ATOSB: variants seen among roughly 807,000 people sequenced by gnomAD.
ATOSB encodes atos homolog protein B.
At chr9:35,108,772 C>T in the ATOSB span, 1 of 841,476 alleles carries the variant, frequency 1.2e-6, no homozygotes. Context: ...GCCAGGATCA[C>T]TGGAGCCAGC....
the ATOSB span, chr9:35,104,563 C>T: frequency 2.8e-6 from 1 of 355,780 alleles, no homozygotes; most frequent in Non-Finnish European, 6.0e-6. Flanking sequence ...CACACACATA[C>T]CACACAAAGA....
At chr9:35,107,441 A>G in the ATOSB span, 1 of 1,613,892 alleles carries the variant, frequency 6.2e-7, no homozygotes, top group Non-Finnish European at 8.5e-7. Context: ...CTTTGGCATC[A>G]GAACTGTTGG....
chr9:35,104,354 C>T, the ATOSB span: 1 of 156,816 alleles, frequency 6.4e-6, no homozygotes, highest in South Asian at 1.5e-4. Context: ...CCCCTCACCC[C>T]AGCTGAGGTA....
At chr9:35,108,291 CAG>C in the ATOSB span, 1 of 1,528,152 alleles carries the variant, frequency 6.5e-7, no homozygotes, top group South Asian at 1.2e-5. Flanking sequence ...CCCCTTGGGT[CAG>C]GGGGGCCCCC....
chr9:35,106,738 T>C, the ATOSB span: 1 of 1,479,252 alleles, frequency 6.8e-7, no homozygotes, highest in Admixed American at 2.0e-5. This position sits in a 1 kb window ranked among gnomAD's most constrained non-coding sequence, Gnocchi z 4.6. Context: ...TATGTAGGGC[T>C]TCTGCCCTGG....
At chr9:35,111,260 C>G in the ATOSB span, 1 of 153,276 alleles carries the variant, frequency 6.5e-6, no homozygotes, top group Admixed American at 6.5e-5. Flanking sequence ...TTCCCTCTAG[C>G]ACACTCACCC....
the ATOSB span, among the ~76,000 whole-genome samples, chr9:35,114,396 C>G: frequency 6.7e-6 from 1 of 149,672 alleles, no homozygotes; most frequent in Non-Finnish European, 1.5e-5. Context: ...CCTCCCCAGC[C>G]AGTCTCTCAG....
At chr9:35,105,498 C>T in the ATOSB span, 1 of 1,247,678 alleles carries the variant, frequency 8.0e-7, no homozygotes, top group Non-Finnish European at 1.1e-6. The surrounding 1 kb of genome is among the most constrained non-coding windows in gnomAD (Gnocchi z 5.5). Flanking sequence ...TGGAGACCAG[C>T]CTAAGCAACA....
chr9:35,114,319 G>C, the ATOSB span, among the ~76,000 whole-genome samples: 1 of 152,068 alleles, frequency 6.6e-6, no homozygotes, highest in African/African-American at 2.4e-5. Flanking sequence ...TCCTCAAAAG[G>C]CTTCAGCCTG....
the ATOSB span, among the ~76,000 whole-genome samples, chr9:35,107,048 A>G: frequency 2.6e-5 from 4 of 152,288 alleles, no homozygotes; most frequent in Non-Finnish European, 5.9e-5. Context: ...GGACAGGCGC[A>G]GTGGCTTGAG....
the ATOSB span, among the ~76,000 whole-genome samples, chr9:35,112,840 C>A: frequency 1.3e-5 from 2 of 151,992 alleles, no homozygotes; most frequent in African/African-American, 4.8e-5. Flanking sequence ...CTGTGGACCC[C>A]CCAGGGCCCT....
the ATOSB span, among the ~76,000 whole-genome samples, chr9:35,114,210 A>T: frequency 6.6e-6 from 1 of 152,082 alleles, no homozygotes. Flanking sequence ...ACCCACTCAC[A>T]CAAACCGCCC....
chr9:35,105,399 G>GT, the ATOSB span: 2 of 1,591,782 alleles, frequency 1.3e-6, no homozygotes, highest in Admixed American at 1.7e-5. The surrounding 1 kb of genome is among the most constrained non-coding windows in gnomAD (Gnocchi z 5.5). Flanking sequence ...TGTGATCAAC[G>GT]TAAGAATCCA....
At chr9:35,107,605 T>G in the ATOSB span, 17 of 1,593,608 alleles carry the variant, frequency 1.1e-5, no homozygotes, top group Middle Eastern at 5.0e-4. Context: ...TGCTCGGGAC[T>G]GTGCCCATTG....
the ATOSB span, chr9:35,107,319 C>CAAAAAAAA: frequency 9.5e-5 from 110 of 1,161,142 alleles, 10 homozygotes; most frequent in East Asian, 4.8e-4. Context: ...GATCCCATCT[C>CAAAAAAAA]AAAAAAAAAA....
At chr9:35,115,620 C>T in the ATOSB span, 1 of 137,508 alleles carries the variant, frequency 7.3e-6, no homozygotes, top group East Asian at 2.4e-4. Context: ...GCAACCCCCC[C>T]ACAACAAAGC....
At chr9:35,108,409 G>C in the ATOSB span, 1 of 1,408,694 alleles carries the variant, frequency 7.1e-7, no homozygotes, top group East Asian at 2.8e-5. Context: ...CTTCCTTCCA[G>C]CTGAGTTTCA....
the ATOSB span, chr9:35,108,845 G>C: frequency 4.3e-6 from 1 of 232,106 alleles, no homozygotes; most frequent in Admixed American, 6.5e-5. Context: ...TCCCATGTGA[G>C]AGGCTCTTCA....
the ATOSB span, among the ~76,000 whole-genome samples, chr9:35,113,661 T>C: frequency 1.4e-5 from 2 of 144,574 alleles, no homozygotes; most frequent in African/African-American, 2.8e-5. Flanking sequence ...AATAAATAAA[T>C]AAATAAATAA....
Sources: gnomAD v4.1 joint callset for allele counts (sites outside exome capture counted in the v4.1 genomes callset) on GRCh38, gnomAD v4.1.1 for gene constraint, Gnocchi (gnomAD v3.1) non-coding constraint, MANE v1.5 for transcripts, NCBI Gene and HGNC (gene_info 2026-07-23, HGNC 2026-07-21) for gene names.